The following DCTN4 variants were observed in gnomAD, a reference collection of about 807,000 sequenced individuals.
DCTN4 encodes dynactin subunit 4.
A neutral mutation model predicts 62.7 loss-of-function variants in DCTN4; 23 were observed. That is an observed-to-expected ratio of 0.37 (90% CI 0.26 to 0.52). DCTN4 has a LOEUF of 0.52. Among genes scored for constraint, DCTN4 ranks in the 20% least tolerant of loss-of-function variants. The pLI is 0.92. For missense variants in DCTN4, 514 were observed against 580.4 expected (o/e 0.89, Z 1.18); for synonymous variants, 199 against 202.1 (o/e 0.98, Z 0.13).
At chr5:150,743,959 AGAG>A (rs1335297055) in intron 3 of DCTN4, among the ~76,000 whole-genome samples, 4 of 152,232 alleles carry the variant, frequency 2.6e-5, no homozygotes, top group African/African-American at 7.2e-5. Flanking sequence ...TGACGAGTTG[AGAG>A]AAGAAGGCTT....
chr5:150,747,634 C>T (rs1420645919), intron 3 of DCTN4, among the ~76,000 whole-genome samples: 9 of 151,816 alleles, frequency 5.9e-5, no homozygotes, highest in East Asian at 1.9e-4. Flanking sequence ...GAAATAATGC[C>T]GCATATCTAC....
At chr5:150,736,482 A>C (rs2113080324) in intron 4 of DCTN4, among the ~76,000 whole-genome samples, 1 of 152,316 alleles carries the variant, frequency 6.6e-6, no homozygotes, top group East Asian at 1.9e-4. Context: ...ACAATTATCA[A>C]CCAAGAATTC....
Position 150,715,556 on chromosome 5 carries a change from A to T in DCTN4, c.1169+9T>A, listed in dbSNP as rs768137894. 6.2e-7 allele frequency: 1 copy of T among 1,611,730 alleles called. No individual in the cohort carries two copies. On this transcript the variant is annotated intron_variant, in intron 12 of 12. Coordinates refer to ENST00000447998, the MANE Select transcript of DCTN4 (RefSeq NM_016221.4). ...TTTGTTGTATGGGGATCACAAAAAG[A>T]TCACTCACTCAGGATCGTCCTGAAA... is the stretch of plus-strand genomic sequence containing the variant.
At chr5:150,738,651 A>T (rs1033081747) in intron 4 of DCTN4, among the ~76,000 whole-genome samples, 8 of 152,212 alleles carry the variant, frequency 5.3e-5, no homozygotes, top group Non-Finnish European at 1.0e-4. Flanking sequence ...CAGAGCCAAC[A>T]TTATACTGAA....
chr5:150,721,621 G>T (rs1348206293), intron 9 of DCTN4, among the ~76,000 whole-genome samples: 1 of 151,972 alleles, frequency 6.6e-6, no homozygotes, highest in Non-Finnish European at 1.5e-5. Context: ...GTATCTTCTG[G>T]TCATTTGAAA....
chr5:150,740,107 T>C (rs1481235490), intron 4 of DCTN4, among the ~76,000 whole-genome samples: 1 of 151,854 alleles, frequency 6.6e-6, no homozygotes, highest in Non-Finnish European at 1.5e-5. Context: ...GCACAGCAAA[T>C]GAAATAATCA....
At chr5:150,729,610 C>T (rs1227783346) in intron 8 of DCTN4, among the ~76,000 whole-genome samples, 2 of 141,648 alleles carry the variant, frequency 1.4e-5, no homozygotes, top group Admixed American at 1.4e-4. Context: ...AGAAAAAATA[C>T]TTTTTTTTTT....
intron 3 of DCTN4, among the ~76,000 whole-genome samples, chr5:150,746,304 C>T (rs192261395): frequency 6.6e-6 from 1 of 152,164 alleles, no homozygotes; most frequent in East Asian, 1.9e-4. Flanking sequence ...TAATAGCTTA[C>T]CAATCAAAAA....
chr5:150,739,186 A>C (rs890091472), intron 4 of DCTN4, among the ~76,000 whole-genome samples: 2 of 152,122 alleles, frequency 1.3e-5, no homozygotes, highest in Admixed American at 6.6e-5. Context: ...ATCTCAAAAA[A>C]AAAAAAAAAA....
chr5:150,737,365 C>T (rs1373951019), intron 4 of DCTN4, among the ~76,000 whole-genome samples: 2 of 152,062 alleles, frequency 1.3e-5, no homozygotes, highest in South Asian at 2.1e-4. Flanking sequence ...ATACGAGAGG[C>T]CACAAAACAC....
chr5:150,715,697 G>T, intron 11 of DCTN4, 35 bp from the exon 12 acceptor site: 1 of 1,557,820 alleles, frequency 6.4e-7, no homozygotes, highest in Admixed American at 1.7e-5. Flanking sequence ...GCCTGAGAAG[G>T]GACCAGTGTG....
chr5:150,710,915 G>A lies in DCTN4; in HGVS notation c.*234C>T, dbSNP rs1759535693. 1 of 538,830 alleles carries A rather than the reference G, an allele frequency of 1.9e-6. No homozygotes were observed. Among genetic ancestry groups the A allele is most frequent in the East Asian group, 3.2e-5 (1 of 31,660 alleles). The allele number at this position is 538,830 out of a possible 1,614,324, so 33.4% of individuals were successfully genotyped here. A position where few individuals can be genotyped will look rare whatever the true frequency, so the allele number is the denominator to read the frequency against. ...TTATGCTGCTGTTACTCAACGTGCA[G>A]GGTTCAGTGAGGGAGACACAGACTT... On this transcript the variant is annotated 3_prime_UTR_variant, in exon 13 of 13. Transcript: ENST00000447998.
chr5:150,720,189 T>C (rs990222769), intron 9 of DCTN4, among the ~76,000 whole-genome samples: 5 of 152,186 alleles, frequency 3.3e-5, no homozygotes, highest in African/African-American at 1.2e-4. Flanking sequence ...CTCACATAAA[T>C]GTTCATTATT....
intron 12 of DCTN4, among the ~76,000 whole-genome samples, chr5:150,713,388 G>GT (rs1189532390): frequency 1.3e-5 from 2 of 150,874 alleles, no homozygotes; most frequent in African/African-American, 4.9e-5. Flanking sequence ...GTTAACCCAC[G>GT]TTTGGTATCA....
chr5:150,730,380 T>C (rs557940326), intron 8 of DCTN4, among the ~76,000 whole-genome samples: 15 of 152,260 alleles, frequency 9.9e-5, no homozygotes, highest in Non-Finnish European at 1.5e-4. Flanking sequence ...GTTAACCCTA[T>C]GTACTTAACC....
Position 150,758,371 on chromosome 5 carries a change from G to A in DCTN4, c.135+488C>T, listed in dbSNP as rs75360953. 4,581 of 986,588 alleles carry A rather than the reference G, an allele frequency of 4.6e-3. 165 individuals carry two copies. In the African/African-American group the frequency reaches 0.072, roughly 15 times the overall value. 61.1% of individuals were successfully genotyped at this position (986,588 alleles called of 1,614,324 possible). On this transcript the variant is annotated intron_variant, in intron 1 of 12. Coordinates refer to ENST00000447998, the MANE Select transcript of DCTN4 (RefSeq NM_016221.4). ...CCGCCCCAACCTCTTCCCGGCTGCA[G>A]GCCTTGGCCTGAGTCAGGAACAGGG... is the stretch of plus-strand genomic sequence containing the variant.
intron 8 of DCTN4, among the ~76,000 whole-genome samples, chr5:150,723,922 T>C (rs1486731357): frequency 6.6e-6 from 1 of 152,210 alleles, no homozygotes; most frequent in East Asian, 1.9e-4. Context: ...TGTCCCACTG[T>C]AACAATTTCT....
chr5:150,755,315 T>C (rs921342892), intron 2 of DCTN4, among the ~76,000 whole-genome samples: 2 of 152,216 alleles, frequency 1.3e-5, no homozygotes, highest in Non-Finnish European at 2.9e-5. Flanking sequence ...CAGATAGTCC[T>C]CAAGGACAGG....
At chr5:150,739,683 A>G (rs1176717334) in intron 4 of DCTN4, among the ~76,000 whole-genome samples, 1 of 152,208 alleles carries the variant, frequency 6.6e-6, no homozygotes, top group Admixed American at 6.5e-5. Flanking sequence ...CAAACTATAT[A>G]TAAGACTATA....
Sources: allele counts gnomAD v4.1 joint callset (sites outside exome capture counted in the v4.1 genomes callset), GRCh38; gene constraint gnomAD v4.1.1; transcripts MANE v1.5; gene names NCBI Gene and HGNC (gene_info 2026-07-23, HGNC 2026-07-21).